Variants in CDH18 observed in about 807,000 individuals in gnomAD.
The protein encoded by CDH18 is cadherin-18.
Under a neutral mutation model 67.9 loss-of-function variants are expected in CDH18, and 31 were observed. The observed-to-expected ratio is 0.46, with a 90% CI of 0.34 to 0.62. The LOEUF is 0.62. Among genes scored for constraint, CDH18 ranks in the 20% least tolerant of loss-of-function variants. The pLI is 0.01. For missense variants in CDH18, 890 were observed against 975.5 expected, an observed-to-expected ratio of 0.91 and a Z score of 1.17; for synonymous variants, 362 against 347.2, an observed-to-expected ratio of 1.04 and a Z score of -0.48.
At chr5:20,448,050 CTCT>C (rs1750143342) in intron 1 of CDH18, among the ~76,000 whole-genome samples, 1 of 151,946 alleles carries the variant, frequency 6.6e-6, no homozygotes, top group African/African-American at 2.4e-5. Context: ...TATCCGTCCC[CTCT>C]CCCCCCACCC....
intron 12 of CDH18, 99 bp from the exon 13 acceptor site, chr5:19,473,815 AC>A: frequency 1.0e-6 from 1 of 988,432 alleles, no homozygotes; most frequent in Non-Finnish European, 1.5e-6. Flanking sequence ...TTCGTCATTA[AC>A]CACATTCCAG....
intron 1 of CDH18, among the ~76,000 whole-genome samples, chr5:20,499,952 T>G (rs1158156046): frequency 1.3e-5 from 2 of 152,096 alleles, no homozygotes; most frequent in Non-Finnish European, 2.9e-5. Context: ...CACCAAAAGT[T>G]ATCTTGTAAA....
intron 2 of CDH18, among the ~76,000 whole-genome samples, chr5:20,219,821 A>G (rs1741081596): frequency 6.6e-6 from 1 of 151,942 alleles, no homozygotes; most frequent in Non-Finnish European, 1.5e-5. Flanking sequence ...ATATAGAAGG[A>G]ACATATAACA....
intron 2 of CDH18, among the ~76,000 whole-genome samples, chr5:20,035,416 A>G (rs1739765189): frequency 6.6e-6 from 1 of 152,060 alleles, no homozygotes; most frequent in African/African-American, 2.4e-5. Flanking sequence ...ACTGCTTGAG[A>G]TTGGGCAATT....
At chr5:19,478,897 T>A (rs1163885526) in intron 12 of CDH18, among the ~76,000 whole-genome samples, 1 of 152,148 alleles carries the variant, frequency 6.6e-6, no homozygotes, top group Admixed American at 6.5e-5. Flanking sequence ...TTCTCTTCCA[T>A]CCATCATATG....
intron 1 of CDH18, among the ~76,000 whole-genome samples, chr5:20,333,113 A>G (rs1490303803): frequency 6.6e-6 from 1 of 152,138 alleles, no homozygotes; most frequent in African/African-American, 2.4e-5. Context: ...CTGTACCTCT[A>G]TATAATAGAT....
chr5:19,995,663 A>G (rs1369522692), intron 2 of CDH18, among the ~76,000 whole-genome samples: 2 of 152,024 alleles, frequency 1.3e-5, no homozygotes, highest in Non-Finnish European at 2.9e-5. Context: ...TCTTTGGCAT[A>G]ACAAAGACTT....
intron 1 of CDH18, among the ~76,000 whole-genome samples, chr5:20,416,883 C>G (rs1181282416): frequency 3.3e-5 from 5 of 151,894 alleles, no homozygotes; most frequent in Non-Finnish European, 2.9e-5. Context: ...GATTATTTAG[C>G]TTAGGGAAGG....
At chr5:20,413,557 G>A (rs1003088037) in intron 1 of CDH18, among the ~76,000 whole-genome samples, 1 of 152,156 alleles carries the variant, frequency 6.6e-6, no homozygotes, top group African/African-American at 2.4e-5. Flanking sequence ...TTTCTCTGAC[G>A]ACCAGTGATG....
intron 2 of CDH18, among the ~76,000 whole-genome samples, chr5:20,171,352 G>C (rs546162162): frequency 6.6e-6 from 1 of 152,024 alleles, no homozygotes; most frequent in Admixed American, 6.6e-5. Context: ...AAGTGTTCCT[G>C]TTTATCTGCA....
intron 8 of CDH18, among the ~76,000 whole-genome samples, chr5:19,563,360 G>C (rs1480089328): frequency 1.3e-5 from 2 of 152,132 alleles, no homozygotes; most frequent in African/African-American, 2.4e-5. Context: ...AATACAGACA[G>C]TTTCAGTGTT....
intron 1 of CDH18, among the ~76,000 whole-genome samples, chr5:20,533,070 T>C (rs991668155): frequency 2.0e-5 from 3 of 152,132 alleles, no homozygotes; most frequent in East Asian, 1.9e-4. Context: ...TATTAACTCA[T>C]GTCAATCAAT....
At chr5:20,316,911 G>A (rs1290763263) in intron 1 of CDH18, among the ~76,000 whole-genome samples, 1 of 151,860 alleles carries the variant, frequency 6.6e-6, no homozygotes, top group Non-Finnish European at 1.5e-5. Context: ...GCACTCAATT[G>A]TATTTCCTAT....
rs1311049555 is a variant in CDH18, at chr5:19,849,304, G to GTCATA, written c.-256-10063_-256-10062insTATGA. The stretch of plus-strand genomic sequence containing the variant: ...TTGGCAGAGATTAACGTAGAGAAGA[G>GTCATA]TATAGGGCATAGGGCACAGTTCTGG... On this transcript the variant is annotated intron_variant, in intron 2 of 12. Coordinates refer to ENST00000382275, the MANE Select transcript of CDH18 (RefSeq NM_004934.5). 1.6e-4 allele frequency among the ~76,000 whole-genome samples: 25 copies of GTCATA among 151,972 alleles called. 1 individual carries two copies. Among genetic ancestry groups the GTCATA allele is most frequent in the Admixed American group, 1.4e-3 (21 of 15,202 alleles).
intron 10 of CDH18, among the ~76,000 whole-genome samples, chr5:19,506,053 G>A (rs556292486): frequency 6.6e-6 from 1 of 152,206 alleles, no homozygotes; most frequent in South Asian, 2.1e-4. Context: ...TTGGGAGGGT[G>A]TATGTGTCAA....
intron 2 of CDH18, among the ~76,000 whole-genome samples, chr5:19,853,702 G>T (rs967366714): frequency 1.3e-5 from 2 of 152,096 alleles, no homozygotes; most frequent in African/African-American, 4.8e-5. Flanking sequence ...GAGTGGAGGA[G>T]ATATAAGTTT....
rs185763875 is a variant in CDH18 at position 20,568,016 on chromosome 5, C to A, written c.-580+7446G>T. Among the ~76,000 whole-genome samples, 243 of 152,250 alleles carry A rather than the reference C, an allele frequency of 1.6e-3. 1 individual carries two copies. Among genetic ancestry groups the A allele is most frequent in the Non-Finnish European group, 2.5e-3 (173 of 68,014 alleles). On this transcript the variant is annotated intron_variant, in intron 1 of 14. Transcript: ENST00000507958. ...AGAAGCACTGAGTGTAAATATGAGT[C>A]CTGCTATTGTTTATATGTCTGTGAT...
At chr5:20,309,601 A>T (rs1736808715) in intron 1 of CDH18, among the ~76,000 whole-genome samples, 1 of 152,238 alleles carries the variant, frequency 6.6e-6, no homozygotes, top group African/African-American at 2.4e-5. Context: ...AACTTGTTCA[A>T]AAAACAAACA....
At chr5:20,457,255 G>A (rs976882975) in intron 1 of CDH18, among the ~76,000 whole-genome samples, 1 of 152,118 alleles carries the variant, frequency 6.6e-6, no homozygotes, top group Non-Finnish European at 1.5e-5. Context: ...AATGTACCAT[G>A]TTAAAAAGAG....
Sources: gnomAD v4.1 joint callset for allele counts (sites outside exome capture counted in the v4.1 genomes callset) on GRCh38, gnomAD v4.1.1 for gene constraint, MANE v1.5 for transcripts, NCBI Gene and HGNC (gene_info 2026-07-23, HGNC 2026-07-21) for gene names.